HIBADH: variants seen among roughly 807,000 people sequenced by gnomAD.
HIBADH encodes the protein 3-hydroxyisobutyrate dehydrogenase, mitochondrial.
In HIBADH, 25 loss-of-function variants were observed where a neutral mutation model predicts 36.1. The ratio of observed to expected loss-of-function variants is 0.69; its 90% confidence interval spans 0.50 to 0.97. The LOEUF (loss-of-function observed/expected upper bound fraction) is 0.97. Among genes scored for constraint, HIBADH ranks in the 50% least tolerant of loss-of-function variants. The pLI is 0.00. For missense variants in HIBADH, 421 were observed against 418.0 expected (o/e 1.01, Z -0.06); for synonymous variants, 160 against 149.5 (o/e 1.07, Z -0.51).
chr7:27,612,697 G>C (rs1036841222), intron 4 of HIBADH, among the ~76,000 whole-genome samples: 14 of 151,270 alleles, frequency 9.3e-5, no homozygotes, highest in African/African-American at 3.4e-4. Flanking sequence ...ACTTTGGGAG[G>C]CCAACGCAGG....
chr7:27,535,830 A>G (rs972199477), intron 6 of HIBADH, among the ~76,000 whole-genome samples: 3 of 152,142 alleles, frequency 2.0e-5, no homozygotes, highest in African/African-American at 7.2e-5. Context: ...TAGGGTCAAT[A>G]AGAATTTTAA....
At chr7:27,626,801 A>G (rs1012309073) in intron 4 of HIBADH, among the ~76,000 whole-genome samples, 12 of 152,218 alleles carry the variant, frequency 7.9e-5, no homozygotes, top group African/African-American at 2.9e-4. Flanking sequence ...ACCTATATAT[A>G]AATCCATGAT....
intron 6 of HIBADH, 35 bp from the exon 7 acceptor site, chr7:27,531,383 C>T: frequency 1.3e-6 from 2 of 1,579,250 alleles, no homozygotes; most frequent in South Asian, 1.1e-5. Flanking sequence ...TGTTAAGTGT[C>T]AAAATGTACA....
chr7:27,658,302 G>A (rs1418350366), intron 1 of HIBADH, among the ~76,000 whole-genome samples: 1 of 152,100 alleles, frequency 6.6e-6, no homozygotes, highest in Non-Finnish European at 1.5e-5. Context: ...AAACCAAGCT[G>A]GGAGAAAATC....
At chr7:27,658,760 A>G (rs1207242286) in intron 1 of HIBADH, among the ~76,000 whole-genome samples, 4 of 152,170 alleles carry the variant, frequency 2.6e-5, no homozygotes, top group Non-Finnish European at 5.9e-5. Context: ...TTTCTATACA[A>G]TGTATGTCTA....
At chr7:27,567,044 T>A (rs1423251229) in intron 4 of HIBADH, among the ~76,000 whole-genome samples, 4 of 152,332 alleles carry the variant, frequency 2.6e-5, no homozygotes. Flanking sequence ...TTAGGTTCAT[T>A]TGATTGACGA....
intron 4 of HIBADH, among the ~76,000 whole-genome samples, chr7:27,597,686 C>T (rs531771614): frequency 1.3e-5 from 2 of 152,190 alleles, no homozygotes; most frequent in Admixed American, 1.3e-4. Context: ...CCTCCAACAC[C>T]AATAAAAAGA....
At chr7:27,551,519 G>A (rs912495264) in intron 4 of HIBADH, among the ~76,000 whole-genome samples, 3 of 152,270 alleles carry the variant, frequency 2.0e-5, no homozygotes, top group African/African-American at 4.8e-5. Context: ...CAGTAGGAAA[G>A]AGCTGAAATT....
chr7:27,586,354 G>A (rs1784862877), intron 4 of HIBADH, among the ~76,000 whole-genome samples: 1 of 141,088 alleles, frequency 7.1e-6, no homozygotes, highest in African/African-American at 2.6e-5. Context: ...GAGAGAAAGA[G>A]AGACAGGGAG....
chr7:27,602,481 T>C (rs914191711), intron 4 of HIBADH, among the ~76,000 whole-genome samples: 1 of 152,196 alleles, frequency 6.6e-6, no homozygotes, highest in Non-Finnish European at 1.5e-5. Context: ...ACATGGATGT[T>C]GTAGCTCTTA....
chr7:27,536,346 A>G (rs1009436515), intron 6 of HIBADH, among the ~76,000 whole-genome samples: 3 of 152,118 alleles, frequency 2.0e-5, no homozygotes, highest in Admixed American at 6.6e-5. Flanking sequence ...TTAACAGTTA[A>G]GTATAACTAG....
intron 2 of HIBADH, among the ~76,000 whole-genome samples, chr7:27,635,958 T>C (rs543184504): frequency 6.6e-6 from 1 of 152,260 alleles, no homozygotes; most frequent in South Asian, 2.1e-4. Flanking sequence ...AATTAGACTT[T>C]GATTTATCTG....
chr7:27,635,260 C>CT (rs1785819306), intron 2 of HIBADH, among the ~76,000 whole-genome samples: 1 of 152,140 alleles, frequency 6.6e-6, no homozygotes, highest in Non-Finnish European at 1.5e-5. Context: ...AACTCAAAAG[C>CT]TGGGAGGAAA....
intron 4 of HIBADH, among the ~76,000 whole-genome samples, chr7:27,607,465 C>T (rs905531688): frequency 7.2e-5 from 11 of 152,104 alleles, no homozygotes; most frequent in African/African-American, 2.2e-4. Flanking sequence ...GCTGAGATCA[C>T]GCCACTGAAC....
chr7:27,626,330 A>G (rs1340988530), intron 4 of HIBADH, among the ~76,000 whole-genome samples: 1 of 152,204 alleles, frequency 6.6e-6, no homozygotes, highest in Non-Finnish European at 1.5e-5. Context: ...ACTACTATCT[A>G]TACTATAAAG....
intron 4 of HIBADH, among the ~76,000 whole-genome samples, chr7:27,607,474 A>G (rs966693364): frequency 1.3e-5 from 2 of 152,032 alleles, no homozygotes; most frequent in African/African-American, 4.8e-5. Context: ...ACGCCACTGA[A>G]CTCCAGCCTG....
chr7:27,526,262 T>C lies in HIBADH; in HGVS notation c.963A>G (p.Lys321=). ...RMMCAKGYSK[K]DFSSVFQFLR... ...GGAACTGGAACACGGATGAGAAGTC[T>C]TTCTTTGAGTAGCCCTTTGCACACA... is the stretch of plus-strand genomic sequence containing the variant. The change falls in exon 8 of 8, where the codon AAA becomes AAG. Residue 321 remains lysine, a synonymous_variant. Coordinates refer to ENST00000265395, the MANE Select transcript of HIBADH (RefSeq NM_152740.4). The C allele has an allele frequency of 1.2e-6, 2 of 1,613,228 alleles. No individual in the cohort carries two copies. Among genetic ancestry groups the C allele is most frequent in the South Asian group, 1.1e-5 (1 of 90,866 alleles).
chr7:27,556,615 G>C (rs1387071556), intron 4 of HIBADH, among the ~76,000 whole-genome samples: 1 of 152,090 alleles, frequency 6.6e-6, no homozygotes, highest in African/African-American at 2.4e-5. Flanking sequence ...GTGAAGTAGG[G>C]ATCTGCTCCC....
chr7:27,576,895 T>A (rs767161332), intron 4 of HIBADH, among the ~76,000 whole-genome samples: 2 of 152,194 alleles, frequency 1.3e-5, no homozygotes, highest in African/African-American at 4.8e-5. Flanking sequence ...TCAACATTAA[T>A]ACAATTGTCA....
Sources: allele counts gnomAD v4.1 joint callset (sites outside exome capture counted in the v4.1 genomes callset), GRCh38; gene constraint gnomAD v4.1.1; transcripts MANE v1.5; gene names NCBI Gene and HGNC (gene_info 2026-07-23, HGNC 2026-07-21).